The following DLGAP2 variants were observed in gnomAD, a reference collection of about 807,000 sequenced individuals.
DLGAP2 encodes DLG associated protein 2.
In DLGAP2, 26 loss-of-function variants were observed where a neutral mutation model predicts 100.3. The observed-to-expected ratio is 0.26, with a 90% CI of 0.19 to 0.36. DLGAP2 has a LOEUF of 0.36. Ranked by LOEUF, DLGAP2 falls within the 10% of genes least tolerant of loss-of-function variation. DLGAP2 has a pLI of 1.00. For missense variants in DLGAP2, 1,858 were observed against 1,453.2 expected (o/e 1.28, Z -4.53); for synonymous variants, 886 against 630.1 (o/e 1.41, Z -6.08).
At chr8:1,431,781 A>T (rs1440533401) in intron 3 of DLGAP2, among the ~76,000 whole-genome samples, 1 of 152,182 alleles carries the variant, frequency 6.6e-6, no homozygotes, top group African/African-American at 2.4e-5. Flanking sequence ...TTCATTTGTA[A>T]AATGAAGACA....
intron 4 of DLGAP2, among the ~76,000 whole-genome samples, chr8:1,519,268 G>C (rs542861342): frequency 1.3e-5 from 2 of 151,726 alleles, no homozygotes; most frequent in African/African-American, 4.8e-5. Flanking sequence ...CCCATCCTAC[G>C]CCTGAAAACC....
intron 4 of DLGAP2, among the ~76,000 whole-genome samples, chr8:1,510,642 C>G (rs1800129132): frequency 6.6e-6 from 1 of 152,220 alleles, no homozygotes; most frequent in Admixed American, 6.5e-5. Context: ...CGCGCATTCT[C>G]ATTCTGCAGG....
At chr8:997,161 T>G (rs981946372) in intron 2 of DLGAP2, among the ~76,000 whole-genome samples, 2 of 152,224 alleles carry the variant, frequency 1.3e-5, no homozygotes, top group South Asian at 4.1e-4. Flanking sequence ...AACTATCTCA[T>G]GATCCTCAGT....
chr8:1,258,987 A>G, intron 3 of DLGAP2, 104 bp downstream of exon 3: 2 of 975,260 alleles, frequency 2.1e-6, no homozygotes, highest in Non-Finnish European at 2.7e-6. Flanking sequence ...AACCTTGAAC[A>G]TTGAGGACGC....
In DLGAP2 at chr8:1,155,853, A is replaced by G. The variant is rs1032903318; in HGVS notation, c.74-102998A>G. Among the ~76,000 whole-genome samples the G allele has an allele frequency of 2.6e-5, 4 of 152,062 alleles. 1 individual carries two copies. The highest frequency in any genetic ancestry group is 7.2e-5 in the African/African-American group (3 of 41,428). On this transcript the variant is annotated intron_variant, in intron 2 of 14. Coordinates refer to ENST00000637795, the MANE Select transcript of DLGAP2 (RefSeq NM_001346810.2). ...TCGAGTGGGCGAGCGGCGTGTGTGG[A>G]GAGGAAGATGAGGAAGGACGCGCTG...
intron 2 of DLGAP2, among the ~76,000 whole-genome samples, chr8:1,162,154 G>C (rs528305290): frequency 4.5e-4 from 68 of 152,356 alleles, no homozygotes; most frequent in African/African-American, 1.3e-3. Flanking sequence ...AAGCCCTCCC[G>C]GCAGCAGGGG....
In DLGAP2 at chr8:1,380,913, G is replaced by A. The variant is rs373976661; in HGVS notation, c.107-120453G>A. ...TGACCATTTGTATCATCTCAGAACC[G>A]GTTAGGATGTTTTGAACATGATTCA... On this transcript the variant is annotated intron_variant, in intron 3 of 14. Coordinates refer to ENST00000637795, the MANE Select transcript of DLGAP2 (RefSeq NM_001346810.2). Among the ~76,000 whole-genome samples, 160 of 121,108 alleles carry A rather than the reference G, an allele frequency of 1.3e-3. 2 individuals are homozygous for A. The highest frequency in any genetic ancestry group is 5.4e-3 in the Middle Eastern group (1 of 184). The allele number at this position is 121,108 out of a possible 152,430, so 79.5% of individuals were successfully genotyped here. A position where few individuals can be genotyped will look rare whatever the true frequency, so the allele number is the denominator to read the frequency against.
intron 2 of DLGAP2, among the ~76,000 whole-genome samples, chr8:1,001,776 CA>C (rs1800964016): frequency 6.6e-6 from 1 of 152,122 alleles, no homozygotes; most frequent in Non-Finnish European, 1.5e-5. Flanking sequence ...TCCACTCCCC[CA>C]AATTTCCATT....
intron 1 of DLGAP2, among the ~76,000 whole-genome samples, chr8:774,124 T>C (rs1414809387): frequency 3.9e-5 from 6 of 152,200 alleles, no homozygotes; most frequent in African/African-American, 7.2e-5. Context: ...TTTCATGTGT[T>C]TTTTGGCTGC....
intron 4 of DLGAP2, among the ~76,000 whole-genome samples, chr8:1,524,964 G>T (rs995268398): frequency 2.6e-5 from 4 of 152,142 alleles, no homozygotes; most frequent in Admixed American, 2.6e-4. Flanking sequence ...CTTCTTGGTG[G>T]TTTTGCGGGG....
chr8:1,488,250 C>G (rs1265521689), intron 3 of DLGAP2, among the ~76,000 whole-genome samples: 1 of 152,132 alleles, frequency 6.6e-6, no homozygotes, highest in South Asian at 2.1e-4. Flanking sequence ...ACAGAGAGGC[C>G]TCATCTCCCA....
At chr8:1,341,011 C>G (rs1160011432) in intron 3 of DLGAP2, among the ~76,000 whole-genome samples, 2 of 152,118 alleles carry the variant, frequency 1.3e-5, no homozygotes, top group Admixed American at 6.5e-5. Context: ...ATGTTCTCAC[C>G]TGTAAGTAGG....
intron 8 of DLGAP2, among the ~76,000 whole-genome samples, chr8:1,650,955 G>A (rs903512653): frequency 3.9e-5 from 6 of 152,112 alleles, no homozygotes; most frequent in Admixed American, 6.5e-5. Context: ...AGGACGGTAC[G>A]GACATTCCTG....
intron 2 of DLGAP2, among the ~76,000 whole-genome samples, chr8:940,114 A>C (rs576201799): frequency 7.2e-4 from 109 of 152,202 alleles, no homozygotes; most frequent in African/African-American, 2.5e-3. Flanking sequence ...GTGGAAAGAC[A>C]GTGGGGCGTG....
intron 8 of DLGAP2, among the ~76,000 whole-genome samples, chr8:1,641,905 G>GCCGGCCCTC (rs1563275292): frequency 1.8e-5 from 2 of 108,978 alleles, no homozygotes; most frequent in African/African-American, 4.4e-5. Context: ...TGTCACCCTC[G>GCCGGCCCTC]ACCCCGCCGG....
intron 2 of DLGAP2, among the ~76,000 whole-genome samples, chr8:1,077,340 C>T (rs1050514869): frequency 5.9e-5 from 9 of 152,210 alleles, no homozygotes; most frequent in Non-Finnish European, 7.3e-5. Context: ...GGGCACAGTT[C>T]TACCCACACC....
intron 2 of DLGAP2, among the ~76,000 whole-genome samples, chr8:1,186,162 T>A (rs999426006): frequency 3.9e-5 from 6 of 152,168 alleles, no homozygotes. Context: ...GAAGGTTTTG[T>A]GAACATTGGT....
intron 5 of DLGAP2, among the ~76,000 whole-genome samples, chr8:1,558,993 A>T (rs1802070321): frequency 6.6e-6 from 1 of 152,248 alleles, no homozygotes; most frequent in Non-Finnish European, 1.5e-5. Context: ...GAATATGATG[A>T]TATAATCCTG....
At chr8:1,123,731 C>G (rs956578089) in intron 2 of DLGAP2, among the ~76,000 whole-genome samples, 1 of 152,100 alleles carries the variant, frequency 6.6e-6, no homozygotes, top group African/African-American at 2.4e-5. Context: ...TCCTAGGTGT[C>G]TCTCCCTGCC....
Sources: gnomAD v4.1 joint callset for allele counts (sites outside exome capture counted in the v4.1 genomes callset) on GRCh38, gnomAD v4.1.1 for gene constraint, MANE v1.5 for transcripts, NCBI Gene and HGNC (gene_info 2026-07-23, HGNC 2026-07-21) for gene names.